Variants in KCNIP4 observed in about 807,000 individuals in gnomAD.
KCNIP4 encodes potassium voltage-gated channel interacting protein 4.
KCNIP4 carries 12 observed loss-of-function variants against 34.0 expected under a neutral mutation model. That is an observed-to-expected ratio of 0.35 (90% CI 0.23 to 0.57). The LOEUF (loss-of-function observed/expected upper bound fraction) is 0.57. KCNIP4 is among the 20% of genes least tolerant of loss of function. KCNIP4 has a pLI of 0.83. For synonymous variants in KCNIP4, 124 were observed against 102.2 expected, an observed-to-expected ratio of 1.21 and a Z score of -1.29; for missense variants, 238 against 311.7, an observed-to-expected ratio of 0.76 and a Z score of 1.78.
At chr4:21,064,137 C>T (rs1228756033) in intron 1 of KCNIP4, among the ~76,000 whole-genome samples, 1 of 152,130 alleles carries the variant, frequency 6.6e-6, no homozygotes, top group Admixed American at 6.6e-5. Context: ...TTCATACTGA[C>T]AGCCTTTCAC....
At chr4:21,784,795 T>C (rs1719794585) in intron 1 of KCNIP4, among the ~76,000 whole-genome samples, 1 of 152,202 alleles carries the variant, frequency 6.6e-6, no homozygotes, top group Non-Finnish European at 1.5e-5. Context: ...CTTATCATGA[T>C]CATGTCCTAA....
At chr4:21,765,114 G>T (rs949377803) in intron 1 of KCNIP4, among the ~76,000 whole-genome samples, 2 of 151,698 alleles carry the variant, frequency 1.3e-5, no homozygotes, top group Admixed American at 6.6e-5. Context: ...ATTTAAAATG[G>T]GAAGTGCAAT....
At chr4:20,883,397 G>A (rs757633438) in intron 1 of KCNIP4, among the ~76,000 whole-genome samples, 1 of 152,090 alleles carries the variant, frequency 6.6e-6, no homozygotes, top group Non-Finnish European at 1.5e-5. Context: ...AGGAATAGAC[G>A]GAGCAGTATG....
At chr4:21,128,948 C>A (rs760485894) in intron 1 of KCNIP4, among the ~76,000 whole-genome samples, 1 of 152,124 alleles carries the variant, frequency 6.6e-6, no homozygotes, top group South Asian at 2.1e-4. Context: ...ATGCTAATCA[C>A]TTTATAGGCT....
intron 1 of KCNIP4, among the ~76,000 whole-genome samples, chr4:21,792,027 A>AAAAAAAC (rs1720324666): frequency 7.8e-6 from 1 of 128,940 alleles, no homozygotes; most frequent in African/African-American, 2.7e-5. Flanking sequence ...AAAAAAAAAA[A>AAAAAAAC]AACCTACCTC....
chr4:21,176,597 A>G (rs1204588379), intron 1 of KCNIP4, among the ~76,000 whole-genome samples: 4 of 152,202 alleles, frequency 2.6e-5, no homozygotes, highest in African/African-American at 9.6e-5. Flanking sequence ...GTCTTGACTC[A>G]CTGCAACCTC....
chr4:20,776,301 C>A (rs752380798), intron 3 of KCNIP4, among the ~76,000 whole-genome samples: 41 of 152,102 alleles, frequency 2.7e-4, no homozygotes, highest in Admixed American at 9.8e-4. Flanking sequence ...TTTCTAGTAT[C>A]TCACAGATAT....
intron 1 of KCNIP4, among the ~76,000 whole-genome samples, chr4:21,305,246 T>C (rs1253045699): frequency 6.6e-6 from 1 of 152,134 alleles, no homozygotes; most frequent in Non-Finnish European, 1.5e-5. Context: ...GGGTTGGCTT[T>C]TGAGGCAGTG....
chr4:21,010,736 G>C (rs375575203), intron 1 of KCNIP4, among the ~76,000 whole-genome samples: 1 of 152,286 alleles, frequency 6.6e-6, no homozygotes, highest in South Asian at 2.1e-4. Flanking sequence ...TAAGAGCATA[G>C]TATGGTTAGT....
At position 21,770,129 on chromosome 4, in the gene KCNIP4, C is replaced by T. The variant is rs190022442; in HGVS notation, c.61+178442G>A. On this transcript the variant is annotated intron_variant, in intron 1 of 8. Coordinates refer to ENST00000382152, the MANE Select transcript of KCNIP4 (RefSeq NM_025221.6). ...TAAGTTCCCTCCCCTCACCCCCTAA[C>T]CCCCAACAGACCCTGGTGTGTGTTG... Among the ~76,000 whole-genome samples, 115 of 152,194 alleles carry T rather than the reference C, an allele frequency of 7.6e-4. No individual in the cohort carries two copies. In the East Asian group the frequency reaches 0.017, roughly 23 times the overall value.
intron 1 of KCNIP4, among the ~76,000 whole-genome samples, chr4:21,593,987 A>G (rs1358465434): frequency 6.6e-6 from 1 of 152,056 alleles, no homozygotes; most frequent in East Asian, 1.9e-4. Context: ...AGCCAACATA[A>G]TTTGCTTACT....
chr4:21,578,748 C>T (rs927193379), intron 1 of KCNIP4, among the ~76,000 whole-genome samples: 6 of 152,236 alleles, frequency 3.9e-5, no homozygotes, highest in African/African-American at 1.4e-4. Flanking sequence ...TGAGGGCAAG[C>T]AAATGACTTC....
chr4:21,739,755 T>G (rs530871217), intron 1 of KCNIP4, among the ~76,000 whole-genome samples: 1 of 152,246 alleles, frequency 6.6e-6, no homozygotes, highest in Non-Finnish European at 1.5e-5. Context: ...TTGTCTTGAA[T>G]AGCTCCTTTG....
At chr4:21,028,525 G>C (rs957618711) in intron 1 of KCNIP4, among the ~76,000 whole-genome samples, 1 of 152,158 alleles carries the variant, frequency 6.6e-6, no homozygotes, top group African/African-American at 2.4e-5. Flanking sequence ...TGTAGTAAAG[G>C]AGTGAAAAGT....
At chr4:20,906,063 C>T (rs1219279009) in intron 1 of KCNIP4, among the ~76,000 whole-genome samples, 2 of 146,790 alleles carry the variant, frequency 1.4e-5, no homozygotes, top group Non-Finnish European at 3.0e-5. Context: ...CTCCCTCCCT[C>T]CCTCCCTTCC....
chr4:21,145,710 G>C (rs935128260), intron 1 of KCNIP4, among the ~76,000 whole-genome samples: 3 of 152,206 alleles, frequency 2.0e-5, no homozygotes, highest in African/African-American at 7.2e-5. Context: ...TACTGGTCTT[G>C]ATTCAAGTAA....
At chr4:21,543,859 C>T (rs1737908094) in intron 1 of KCNIP4, among the ~76,000 whole-genome samples, 2 of 152,102 alleles carry the variant, frequency 1.3e-5, no homozygotes, top group South Asian at 4.2e-4. Flanking sequence ...CTCACACATA[C>T]TTCATGACTA....
intron 1 of KCNIP4, among the ~76,000 whole-genome samples, chr4:21,250,280 T>C (rs1187322016): frequency 6.6e-6 from 1 of 150,642 alleles, no homozygotes; most frequent in Non-Finnish European, 1.5e-5. Flanking sequence ...ATAATAAAAA[T>C]AATGCAGAAA....
At chr4:21,384,393 G>A (rs1040110808) in intron 1 of KCNIP4, among the ~76,000 whole-genome samples, 2 of 152,176 alleles carry the variant, frequency 1.3e-5, no homozygotes, top group Non-Finnish European at 2.9e-5. Context: ...AAATAAGTAT[G>A]TGTTGAATGA....
Sources: gnomAD v4.1 joint callset for allele counts (sites outside exome capture counted in the v4.1 genomes callset) on GRCh38, gnomAD v4.1.1 for gene constraint, MANE v1.5 for transcripts, NCBI Gene and HGNC (gene_info 2026-07-23, HGNC 2026-07-21) for gene names.